The following CHRNA3 variants were observed in gnomAD, a reference collection of about 807,000 sequenced individuals.
CHRNA3 encodes cholinergic receptor nicotinic alpha 3 subunit, also known as neuronal acetylcholine receptor subunit alpha-3.
Under a neutral mutation model 41.9 loss-of-function variants are expected in CHRNA3, and 34 were observed. The observed-to-expected ratio is 0.81, with a 90% CI of 0.62 to 1.08. The LOEUF is 1.08. CHRNA3 is among the 50% of genes least tolerant of loss of function. The probability of loss-of-function intolerance (pLI) is 0.00; values close to 1 mark genes in which losing one functional copy is unlikely to be tolerated. For missense variants in CHRNA3, 542 were observed against 638.3 expected (o/e 0.85, Z 1.63); for synonymous variants, 281 against 265.2 (o/e 1.06, Z -0.58).
intron 4 of CHRNA3, among the ~76,000 whole-genome samples, chr15:78,608,413 C>T (rs2053331673): frequency 6.6e-6 from 1 of 152,174 alleles, no homozygotes; most frequent in Non-Finnish European, 1.5e-5. Context: ...CACCAAGATC[C>T]ACTGTTCTAC....
At position 78,616,348 on chromosome 15, in the gene CHRNA3, C is replaced by T. The variant is rs111981521; in HGVS notation, c.377+676G>A. On this transcript the variant is annotated intron_variant, in intron 4 of 5. Transcript: ENST00000326828. Reference sequence around the variant, plus strand: ...AGCCTGGGTGACAGTAAGACTCAGTCTTCCCCCCCCCACCCCCCCAAAAAA... The same window carrying T: ...AGCCTGGGTGACAGTAAGACTCAGTTTTCCCCCCCCCACCCCCCCAAAAAA... 3.0e-3 allele frequency among the ~76,000 whole-genome samples: 404 copies of T among 135,768 alleles called. 1 individual carries two copies. The highest frequency in any genetic ancestry group is 7.1e-3 in the Middle Eastern group (2 of 280). 89.1% of individuals were successfully genotyped at this position (135,768 alleles called of 152,430 possible).
intron 4 of CHRNA3, among the ~76,000 whole-genome samples, chr15:78,606,634 G>A (rs2053291930): frequency 6.6e-6 from 1 of 151,986 alleles, no homozygotes; most frequent in Non-Finnish European, 1.5e-5. Flanking sequence ...GGTGGCTCAG[G>A]CCTGTAATCC....
At chr15:78,603,705 C>T (rs560785704) in intron 4 of CHRNA3, among the ~76,000 whole-genome samples, 3 of 152,252 alleles carry the variant, frequency 2.0e-5, no homozygotes, top group South Asian at 2.1e-4. Flanking sequence ...TCCTGGGTCT[C>T]GGTTGAGCAG....
intron 4 of CHRNA3, among the ~76,000 whole-genome samples, chr15:78,608,842 T>C (rs933630820): frequency 2.0e-5 from 3 of 151,768 alleles, no homozygotes; most frequent in Non-Finnish European, 4.4e-5. Context: ...AAAAAAAAAT[T>C]AGACAAATGG....
chr15:78,620,636 T>C lies in CHRNA3; in HGVS notation c.82+77A>G, dbSNP rs72648890. Reference sequence around the variant, plus strand: ...CTCTCCGCTCGCCCGCGCGGTGTTCTCGCCGGCAGCCCCTCCGGACCCCGC... The same window carrying C: ...CTCTCCGCTCGCCCGCGCGGTGTTCCCGCCGGCAGCCCCTCCGGACCCCGC... On this transcript the variant is annotated intron_variant, in intron 1 of 5. Transcript: ENST00000326828. 42 of 1,452,968 alleles carry C rather than the reference T, an allele frequency of 2.9e-5. 1 individual carries two copies. In the South Asian group the frequency reaches 3.8e-4, roughly 13 times the overall value. 90.0% of individuals were successfully genotyped at this position (1,452,968 alleles called of 1,614,324 possible). A position where few individuals can be genotyped will look rare whatever the true frequency, so the allele number is the denominator to read the frequency against.
intron 4 of CHRNA3, among the ~76,000 whole-genome samples, chr15:78,603,633 T>C (rs1410849862): frequency 1.3e-5 from 2 of 152,186 alleles, no homozygotes; most frequent in Admixed American, 6.5e-5. Flanking sequence ...TGTAATTGGA[T>C]GGGAACCTGT....
intron 4 of CHRNA3, among the ~76,000 whole-genome samples, chr15:78,616,359 C>CA (rs2053461765): frequency 2.4e-5 from 3 of 125,606 alleles, no homozygotes; most frequent in South Asian, 6.7e-4. Context: ...TTCCCCCCCC[C>CA]ACCCCCCCAA....
intron 4 of CHRNA3, among the ~76,000 whole-genome samples, chr15:78,611,703 G>A (rs1254881951): frequency 6.6e-6 from 1 of 151,702 alleles, no homozygotes; most frequent in Non-Finnish European, 1.5e-5. Flanking sequence ...TCAACATAGT[G>A]TTGGAAGTTC....
intron 1 of CHRNA3, 79 bp from the exon 2 acceptor site, chr15:78,618,994 A>C: frequency 6.8e-7 from 1 of 1,476,240 alleles, no homozygotes; most frequent in Admixed American, 1.7e-5. Context: ...AACATCACCC[A>C]TCTACAGCAT....
intron 5 of CHRNA3, among the ~76,000 whole-genome samples, chr15:78,600,893 T>C (rs903298088): frequency 6.6e-6 from 1 of 151,982 alleles, no homozygotes; most frequent in African/African-American, 2.4e-5. Context: ...AATAAAAATA[T>C]AACCTCAATT....
intron 5 of CHRNA3, among the ~76,000 whole-genome samples, chr15:78,597,199 A>C (rs947360203): frequency 5.9e-5 from 9 of 152,142 alleles, no homozygotes; most frequent in African/African-American, 2.2e-4. Flanking sequence ...GGCTGAGATC[A>C]CCTGAGGTCA....
At chr15:78,598,790 C>A (rs2053151400) in intron 5 of CHRNA3, among the ~76,000 whole-genome samples, 1 of 151,774 alleles carries the variant, frequency 6.6e-6, no homozygotes. Context: ...CCTGCCCCAG[C>A]CTCCCAAAGT....
intron 4 of CHRNA3, among the ~76,000 whole-genome samples, chr15:78,608,926 G>C (rs1466426009): frequency 6.6e-6 from 1 of 152,226 alleles, no homozygotes; most frequent in Non-Finnish European, 1.5e-5. Flanking sequence ...GGAGAACTAC[G>C]TGAAGAATGC....
intron 4 of CHRNA3, among the ~76,000 whole-genome samples, chr15:78,615,739 A>ATTTTT (rs532401932): frequency 9.8e-6 from 1 of 101,874 alleles, no homozygotes; most frequent in Admixed American, 1.2e-4. Flanking sequence ...AGGCACCTGT[A>ATTTTT]TTTTTTTTTT....
chr15:78,620,781 G>T lies in CHRNA3; in HGVS notation c.14C>A (p.Pro5Gln). Residue 5 changes from proline (P) to glutamine (Q), a missense_variant, in exon 1 of 6, where the codon CCG becomes CAG. Coordinates refer to ENST00000326828, the MANE Select transcript of CHRNA3 (RefSeq NM_000743.5). The part of the protein sequence containing the change: MGSG[P>Q]LSLPLALSPP... ...CGACAGCGCCAGGGGCAGCGAGAGC[G>T]GGCCAGAGCCCATGGCTGGTGGCCG... 1 of 1,479,396 alleles carries T rather than the reference G, an allele frequency of 6.8e-7. No individual in the cohort carries two copies. The highest frequency in any genetic ancestry group is 8.9e-7 in the Non-Finnish European group (1 of 1,122,732). The allele number at this position is 1,479,396 out of a possible 1,614,324, so 91.6% of individuals were successfully genotyped here. A position where few individuals can be genotyped will look rare whatever the true frequency, so the allele number is the denominator to read the frequency against.
rs1187084933 is a variant in CHRNA3 at position 78,595,992 on chromosome 15, T to G, written c.*612A>C. 3 of 917,204 alleles carry G rather than the reference T, an allele frequency of 3.3e-6. No homozygotes were observed. The highest frequency in any genetic ancestry group is 5.1e-5 in the South Asian group (1 of 19,738). The allele number at this position is 917,204 out of a possible 1,614,324, so 56.8% of individuals were successfully genotyped here. On this transcript the variant is annotated 3_prime_UTR_variant, in exon 6 of 6. Transcript: ENST00000326828. ...ACTGAGAAGTTTCTGTTGTTTATAA[T>G]CCACCCAGTTTATGGTGTACTAAGA...
downstream of CHRNA3, chr15:78,594,792 CCTT>C (rs2141315456): frequency 1.3e-5 from 2 of 152,300 alleles, no homozygotes; most frequent in African/African-American, 4.8e-5. Flanking sequence ...AGTTTTCTCT[CCTT>C]CATTCTAACA....
chr15:78,599,023 G>C (rs762739159), intron 5 of CHRNA3, among the ~76,000 whole-genome samples: 36 of 145,366 alleles, frequency 2.5e-4, no homozygotes, highest in Non-Finnish European at 5.0e-4. Flanking sequence ...ATTTTTAGTA[G>C]AGATGGAGGT....
chr15:78,601,776 A>C lies in CHRNA3; in HGVS notation c.866T>G (p.Val289Gly), dbSNP rs1233037687. 1 of 1,614,174 alleles carries C rather than the reference A, an allele frequency of 6.2e-7. No homozygotes were observed. Among genetic ancestry groups the C allele is most frequent in the Admixed American group, 1.7e-5 (1 of 60,016 alleles). ...VLLSLTVFLLVITETIPSTSL... is the reference protein window; with the variant it reads ...VLLSLTVFLLGITETIPSTSL... ...GGTGGAAGGGATGGTCTCAGTGATCACCAGGAGAAACACCGTCAGGGAGAG... is the reference window on the plus strand; with the variant it reads ...GGTGGAAGGGATGGTCTCAGTGATCCCCAGGAGAAACACCGTCAGGGAGAG... The change falls in exon 5 of 6, where the codon GTG becomes GGG. Residue 289 changes from valine (V) to glycine (G), a missense_variant. By Grantham distance (109) the Val-to-Gly change is moderately radical. Coordinates refer to ENST00000326828, the MANE Select transcript of CHRNA3 (RefSeq NM_000743.5).
Sources: gnomAD v4.1 joint callset for allele counts (sites outside exome capture counted in the v4.1 genomes callset) on GRCh38, gnomAD v4.1.1 for gene constraint, MANE v1.5 for transcripts, NCBI Gene and HGNC (gene_info 2026-07-23, HGNC 2026-07-21) for gene names.